Variants in DTD1 observed in about 807,000 individuals in gnomAD.
DTD1 encodes D-aminoacyl-tRNA deacylase 1.
DTD1 carries 13 observed loss-of-function variants against 25.6 expected under a neutral mutation model. The ratio of observed to expected loss-of-function variants is 0.51; its 90% CI spans 0.33 to 0.81. DTD1 has a LOEUF of 0.81. DTD1 is among the 30% of genes least tolerant of loss of function. The pLI is 0.02. For missense variants in DTD1, 193 were observed against 266.4 expected (o/e 0.72, Z 1.92); for synonymous variants, 110 against 103.6 (o/e 1.06, Z -0.37).
chr20:18,732,624 T>C (rs2061242484), intron 4 of DTD1, among the ~76,000 whole-genome samples: 1 of 152,206 alleles, frequency 6.6e-6, no homozygotes, highest in South Asian at 2.1e-4. Context: ...AAAGGCGACT[T>C]CAGCACTGGG....
At chr20:18,658,189 A>ATG (rs60197503) in intron 4 of DTD1, among the ~76,000 whole-genome samples, 10,458 of 146,136 alleles carry the variant, frequency 0.072, 870 homozygotes, top group African/African-American at 0.21. Context: ...AGAGTCTGAG[A>ATG]TGTGTGTGTG....
intron 4 of DTD1, among the ~76,000 whole-genome samples, chr20:18,741,897 A>ATTT (rs57912866): frequency 3.0e-3 from 268 of 88,592 alleles, no homozygotes; most frequent in East Asian, 0.011. Flanking sequence ...TAACCTTTGT[A>ATTT]TTTTTTTTTT....
chr20:18,756,223 C>T (rs1052895685), intron 5 of DTD1, among the ~76,000 whole-genome samples: 1 of 152,154 alleles, frequency 6.6e-6, no homozygotes, highest in African/African-American at 2.4e-5. Context: ...TGTAGGTTGC[C>T]TGTTCACTCT....
At chr20:18,624,051 G>C (rs1009256169) in intron 3 of DTD1, among the ~76,000 whole-genome samples, 6 of 152,116 alleles carry the variant, frequency 3.9e-5, no homozygotes, top group Non-Finnish European at 8.8e-5. Flanking sequence ...AGGGAAGGAA[G>C]CCTCACCAAC....
At chr20:18,718,746 T>G (rs1052418170) in intron 4 of DTD1, among the ~76,000 whole-genome samples, 2 of 152,198 alleles carry the variant, frequency 1.3e-5, no homozygotes, top group African/African-American at 4.8e-5. Flanking sequence ...AAAAAGAGAT[T>G]GGCTTGTAGT....
At chr20:18,663,327 T>G (rs1448676214) in intron 4 of DTD1, among the ~76,000 whole-genome samples, 3 of 151,894 alleles carry the variant, frequency 2.0e-5, no homozygotes, top group African/African-American at 4.8e-5. Flanking sequence ...TAGGCTAGCC[T>G]GGGCAACATG....
intron 4 of DTD1, among the ~76,000 whole-genome samples, chr20:18,637,254 A>G (rs1250190516): frequency 1.3e-5 from 2 of 152,176 alleles, no homozygotes; most frequent in Non-Finnish European, 2.9e-5. Context: ...TTATTCATCA[A>G]CGAGCCCTCA....
At chr20:18,629,824 A>G (rs2060776663) in intron 4 of DTD1, among the ~76,000 whole-genome samples, 1 of 152,016 alleles carries the variant, frequency 6.6e-6, no homozygotes, top group Non-Finnish European at 1.5e-5. Flanking sequence ...ACATCTTCAC[A>G]TGGCCAGAGC....
rs140253524 is a variant in DTD1, at chr20:18,598,247, T to A, written c.370+2006T>A. Among the ~76,000 whole-genome samples the A allele has an allele frequency of 4.6e-3, 697 of 152,206 alleles. 5 individuals carry two copies. The highest frequency in any genetic ancestry group is 0.016 in the African/African-American group (665 of 41,528). On this transcript the variant is annotated intron_variant, in intron 3 of 5. Transcript: ENST00000377452. ...TGTGGCGTTTGGTTTTCTGTTCTTG[T>A]GATGGTTTGCTGAGAATGATGGTTT...
chr20:18,648,285 A>G (rs1179890377), intron 4 of DTD1, among the ~76,000 whole-genome samples: 1 of 152,164 alleles, frequency 6.6e-6, no homozygotes, highest in African/African-American at 2.4e-5. Flanking sequence ...TTGAATGTGC[A>G]TTAGAATCAC....
At chr20:18,687,024 G>T (rs1392864623) in intron 4 of DTD1, among the ~76,000 whole-genome samples, 1 of 152,206 alleles carries the variant, frequency 6.6e-6, no homozygotes, top group African/African-American at 2.4e-5. Flanking sequence ...GTCTATTGGG[G>T]GTTGTATGGA....
intron 4 of DTD1, among the ~76,000 whole-genome samples, chr20:18,668,438 T>C (rs1191409016): frequency 6.6e-6 from 1 of 152,130 alleles, no homozygotes; most frequent in Non-Finnish European, 1.5e-5. Context: ...GGCATGCAAG[T>C]GTAATGCTGA....
At chr20:18,762,780 CTTTTTA>C (rs1242013626) in intron 5 of DTD1, among the ~76,000 whole-genome samples, 1 of 151,894 alleles carries the variant, frequency 6.6e-6, no homozygotes, top group Non-Finnish European at 1.5e-5. Flanking sequence ...TTTTATTGAT[CTTTTTA>C]TTTTTATTTT....
intron 4 of DTD1, among the ~76,000 whole-genome samples, chr20:18,639,654 A>G (rs182570063): frequency 6.6e-6 from 1 of 152,340 alleles, no homozygotes; most frequent in Admixed American, 6.5e-5. Context: ...GTCAAAACGA[A>G]ACACAAAAGA....
intron 4 of DTD1, among the ~76,000 whole-genome samples, chr20:18,629,904 C>T (rs1398129163): frequency 6.6e-6 from 1 of 152,002 alleles, no homozygotes; most frequent in East Asian, 1.9e-4. Flanking sequence ...AACTCACTGT[C>T]ACGAGAACAG....
chr20:18,663,690 G>A (rs2122376900), intron 4 of DTD1, among the ~76,000 whole-genome samples: 1 of 152,306 alleles, frequency 6.6e-6, no homozygotes, highest in Admixed American at 6.5e-5. Flanking sequence ...CCCAAGACTG[G>A]TTAATTTATA....
chr20:18,613,241 G>C (rs999946199), intron 3 of DTD1, among the ~76,000 whole-genome samples: 2 of 152,122 alleles, frequency 1.3e-5, no homozygotes, highest in Non-Finnish European at 2.9e-5. Context: ...CTAGGCTCTG[G>C]GTATACAGTG....
chr20:18,606,862 G>T lies in DTD1; in HGVS notation c.370+10621G>T, dbSNP rs1055125511. Among the ~76,000 whole-genome samples, 7 of 149,428 alleles carry T rather than the reference G, an allele frequency of 4.7e-5. No homozygotes were observed. In the Admixed American group the frequency reaches 4.7e-4, roughly 10 times the overall value. On this transcript the variant is annotated intron_variant, in intron 3 of 5. Coordinates refer to ENST00000377452, the MANE Select transcript of DTD1 (RefSeq NM_080820.6). The stretch of plus-strand genomic sequence containing the variant: ...TTAGTGGGTGTAGCGCACCAGCATG[G>T]CACATGTATACATATGTAACTAACC...
In DTD1 at chr20:18,623,874, CTG is replaced by C. The variant is rs55984974; in HGVS notation, c.371-4221_371-4220del. Among the ~76,000 whole-genome samples the C allele has an allele frequency of 8.3e-3, 1,199 of 143,676 alleles. 8 individuals carry two copies. Among genetic ancestry groups the C allele is most frequent in the East Asian group, 0.016 (81 of 5,016 alleles). 94.3% of individuals were successfully genotyped at this position (143,676 alleles called of 152,430 possible). On this transcript the variant is annotated intron_variant, in intron 3 of 5. Coordinates refer to ENST00000377452, the MANE Select transcript of DTD1 (RefSeq NM_080820.6). ...TTCTCAACAGTACTTACAAGAAGAA[CTG>C]TGTGTGTGTGTGTGTGTGTGTGTGT... is the stretch of plus-strand genomic sequence containing the variant.
Sources: gnomAD v4.1 joint callset for allele counts (sites outside exome capture counted in the v4.1 genomes callset) on GRCh38, gnomAD v4.1.1 for gene constraint, MANE v1.5 for transcripts, NCBI Gene and HGNC (gene_info 2026-07-23, HGNC 2026-07-21) for gene names.